The following SDCCAG8 variants were observed in gnomAD, a reference collection of about 807,000 sequenced individuals.
SDCCAG8 encodes SHH signaling and ciliogenesis regulator SDCCAG8.
A neutral mutation model predicts 101.8 loss-of-function variants in SDCCAG8; 74 were observed. The observed-to-expected ratio is 0.73, with a 90% CI of 0.60 to 0.88. SDCCAG8 has a LOEUF of 0.88. SDCCAG8 is among the 40% of genes least tolerant of loss of function. The pLI, the probability that SDCCAG8 is intolerant of heterozygous loss-of-function variation, is 0.00. For missense variants in SDCCAG8, 787 were observed against 822.6 expected (o/e 0.96, Z 0.53); for synonymous variants, 281 against 292.9 (o/e 0.96, Z 0.41).
intron 13 of SDCCAG8, among the ~76,000 whole-genome samples, chr1:243,396,267 AT>A (rs1368194549): frequency 6.6e-6 from 1 of 152,174 alleles, no homozygotes; most frequent in African/African-American, 2.4e-5. Context: ...TTTTCACCTA[AT>A]TTCTATGAGT....
chr1:243,492,451 A>C (rs1399683046), intron 17 of SDCCAG8, among the ~76,000 whole-genome samples: 1 of 146,586 alleles, frequency 6.8e-6, no homozygotes, highest in Non-Finnish European at 1.5e-5. Flanking sequence ...ACAGGCACCC[A>C]CCACCACACC....
chr1:243,435,922 A>G (rs2082098788), intron 16 of SDCCAG8, among the ~76,000 whole-genome samples: 1 of 152,150 alleles, frequency 6.6e-6, no homozygotes, highest in African/African-American at 2.4e-5. Flanking sequence ...GCAAAATTGA[A>G]AGGAAGGTAC....
At chr1:243,283,416 T>C (rs12067370) in intron 4 of SDCCAG8, among the ~76,000 whole-genome samples, 43,176 of 138,398 alleles carry the variant, frequency 0.31, 6,569 homozygotes, top group South Asian at 0.54. Flanking sequence ...TATATATATA[T>C]ACATGTATAT....
chr1:243,455,241 G>A (rs1189668600), intron 16 of SDCCAG8, among the ~76,000 whole-genome samples: 2 of 152,122 alleles, frequency 1.3e-5, no homozygotes, highest in African/African-American at 4.8e-5. Flanking sequence ...GTTGCTAAAC[G>A]TTAATTGCTT....
intron 4 of SDCCAG8, among the ~76,000 whole-genome samples, chr1:243,278,019 T>A (rs934513141): frequency 3.9e-5 from 6 of 152,230 alleles, no homozygotes; most frequent in African/African-American, 1.4e-4. Context: ...AATCAGTTTG[T>A]CGATATCCAC....
At chr1:243,339,030 C>T (rs890181748) in intron 10 of SDCCAG8, 2 of 105,910 alleles carry the variant, frequency 1.9e-5, no homozygotes, top group Non-Finnish European at 4.3e-5. Context: ...AGCTAGTGGG[C>T]AGAGGACCTC....
chr1:243,465,819 T>A (rs922694393), intron 16 of SDCCAG8, among the ~76,000 whole-genome samples: 3 of 152,244 alleles, frequency 2.0e-5, no homozygotes, highest in Non-Finnish European at 4.4e-5. Flanking sequence ...TTCTTTTTTA[T>A]GTATAATCTC....
At chr1:243,493,317 G>A (rs181574094) in intron 17 of SDCCAG8, among the ~76,000 whole-genome samples, 149 of 152,246 alleles carry the variant, frequency 9.8e-4, no homozygotes, top group Non-Finnish European at 1.7e-3. Flanking sequence ...AGGGGTCTGC[G>A]GCCCAGAGCC....
chr1:243,479,019 C>T (rs941039253), intron 16 of SDCCAG8, among the ~76,000 whole-genome samples: 3 of 150,178 alleles, frequency 2.0e-5, no homozygotes, highest in African/African-American at 7.4e-5. Flanking sequence ...TGGGCTAGAG[C>T]GTGTTCCGGA....
intron 16 of SDCCAG8, among the ~76,000 whole-genome samples, chr1:243,448,301 CATGAGCT>C (rs1211566365): frequency 6.6e-6 from 1 of 152,118 alleles, no homozygotes; most frequent in Non-Finnish European, 1.5e-5. Flanking sequence ...CTTTATAGTT[CATGAGCT>C]CTGAAAAGGG....
chr1:243,312,405 T>C (rs2149325552), intron 8 of SDCCAG8, among the ~76,000 whole-genome samples: 1 of 152,250 alleles, frequency 6.6e-6, no homozygotes, highest in South Asian at 2.1e-4. Context: ...TATATATTCA[T>C]GAAACAAGAA....
At chr1:243,387,724 C>G (rs1022204386) in intron 13 of SDCCAG8, among the ~76,000 whole-genome samples, 1 of 152,048 alleles carries the variant, frequency 6.6e-6, no homozygotes, top group African/African-American at 2.4e-5. Flanking sequence ...TTATTTGTTT[C>G]TTTAATTTGA....
In SDCCAG8 at chr1:243,378,811, C is replaced by T. The variant is rs2147905512; in HGVS notation, c.1564C>T (p.Leu522=). The T allele has an allele frequency of 6.2e-7, 1 of 1,614,078 alleles. No homozygotes were observed. Among genetic ancestry groups the T allele is most frequent in the African/African-American group, 1.3e-5 (1 of 75,026 alleles). The change falls in exon 13 of 18, where the codon CTG becomes TTG. Residue 522 remains leucine, a synonymous_variant. Coordinates refer to ENST00000366541, the MANE Select transcript of SDCCAG8 (RefSeq NM_006642.5). ...QKAALAREEC[L]RLTELLGESE... ...GGCAGCCCTGGCCAGAGAGGAGTGC[C>T]TGAGACTAACAGAACTGCTGGGCGA...
At chr1:243,488,047 G>C (rs1045403514) in intron 16 of SDCCAG8, among the ~76,000 whole-genome samples, 1 of 152,234 alleles carries the variant, frequency 6.6e-6, no homozygotes, top group African/African-American at 2.4e-5. Context: ...CCATCGCCGG[G>C]TTTCCCAGAG....
At chr1:243,286,451 C>T in intron 5 of SDCCAG8, 54 bp downstream of exon 5, 3 of 1,584,530 alleles carry the variant, frequency 1.9e-6, no homozygotes, top group Non-Finnish European at 1.7e-6. Context: ...TTCCCTTCTG[C>T]CCTCTCTCCT....
intron 13 of SDCCAG8, among the ~76,000 whole-genome samples, chr1:243,401,240 AT>A (rs1218553524): frequency 5.3e-5 from 8 of 152,150 alleles, no homozygotes; most frequent in Non-Finnish European, 1.2e-4. Context: ...AACTCCAGCA[AT>A]TTTTATTAAA....
At chr1:243,256,549 G>A (rs2066712018) in intron 1 of SDCCAG8, among the ~76,000 whole-genome samples, 1 of 152,160 alleles carries the variant, frequency 6.6e-6, no homozygotes, top group Non-Finnish European at 1.5e-5. Context: ...GTTCCCATAC[G>A]TTGCTATTTA....
chr1:243,385,435 G>A (rs1242039647), intron 13 of SDCCAG8, among the ~76,000 whole-genome samples: 2 of 152,016 alleles, frequency 1.3e-5, no homozygotes, highest in Non-Finnish European at 2.9e-5. Flanking sequence ...ACATGTAGTC[G>A]GTAAGATAAA....
intron 1 of SDCCAG8, among the ~76,000 whole-genome samples, chr1:243,267,103 C>A (rs908577187): frequency 6.6e-6 from 1 of 151,858 alleles, no homozygotes; most frequent in Non-Finnish European, 1.5e-5. Context: ...ATTAGCTGCG[C>A]GTGGTGGCGT....
Sources: allele counts gnomAD v4.1 joint callset (sites outside exome capture counted in the v4.1 genomes callset), GRCh38; gene constraint gnomAD v4.1.1; transcripts MANE v1.5; gene names NCBI Gene and HGNC (gene_info 2026-07-23, HGNC 2026-07-21).